EYS: variants seen among roughly 807,000 people sequenced by gnomAD.
EYS encodes the protein protein eyes shut homolog.
Under a neutral mutation model 282.1 loss-of-function variants are expected in EYS, and 250 were observed. The ratio of observed to expected loss-of-function variants is 0.89; its 90% CI spans 0.80 to 0.98. The LOEUF is 0.98. EYS is among the 50% of genes least tolerant of loss of function. The probability of loss-of-function intolerance (pLI) is 0.00; values close to 1 mark genes in which losing one functional copy is unlikely to be tolerated. For missense variants in EYS, 4,016 were observed against 3,709.0 expected (o/e 1.08, Z -2.15); for synonymous variants, 1,355 against 1,282.9 (o/e 1.06, Z -1.20).
chr6:64,896,130 A>T (rs1767455261), intron 18 of EYS, among the ~76,000 whole-genome samples: 1 of 152,200 alleles, frequency 6.6e-6, no homozygotes, highest in Non-Finnish European at 1.5e-5. Context: ...TAAAGAGCAG[A>T]TGCTGACTCA....
chr6:65,679,842 G>A lies in EYS; in HGVS notation c.-448+27293C>T, dbSNP rs180969429. On this transcript the variant is annotated intron_variant, in intron 1 of 42. Coordinates refer to ENST00000503581, the MANE Select transcript of EYS (RefSeq NM_001142800.2). ...TGTAATCTGTTATTAATCTCAAGTC[G>A]TACAATAGCAATTTGTTTCTTCTAC... Among the ~76,000 whole-genome samples, 94 of 151,888 alleles carry A rather than the reference G, an allele frequency of 6.2e-4. 1 individual carries two copies. The highest frequency in any genetic ancestry group is 2.0e-3 in the African/African-American group (83 of 41,468).
At chr6:64,293,139 G>A (rs559117475) in intron 30 of EYS, among the ~76,000 whole-genome samples, 1 of 152,058 alleles carries the variant, frequency 6.6e-6, no homozygotes, top group South Asian at 2.1e-4. Context: ...ATTTGCACAT[G>A]GAATAAAGGC....
chr6:65,076,216 T>C (rs1221476576), intron 12 of EYS, among the ~76,000 whole-genome samples: 2 of 152,054 alleles, frequency 1.3e-5, no homozygotes, highest in Admixed American at 6.6e-5. Flanking sequence ...ATCACTCTTT[T>C]ATTGTGGCAT....
At chr6:64,605,335 A>G (rs1388712051) in intron 24 of EYS, among the ~76,000 whole-genome samples, 1 of 151,990 alleles carries the variant, frequency 6.6e-6, no homozygotes, top group Non-Finnish European at 1.5e-5. Context: ...TGTTAAAGTT[A>G]TATGCCTGAC....
chr6:65,674,260 C>A (rs999857014), intron 1 of EYS, among the ~76,000 whole-genome samples: 1 of 151,184 alleles, frequency 6.6e-6, no homozygotes, highest in African/African-American at 2.4e-5. Flanking sequence ...CAAATTGGGG[C>A]AAGGAAATGA....
In EYS at chr6:63,806,127, G is replaced by A. The variant is rs150440937; in HGVS notation, c.7411+63C>T. 3.4e-3 allele frequency: 4,640 copies of A among 1,356,346 alleles called. 22 individuals carry two copies. Among genetic ancestry groups the A allele is most frequent in the Middle Eastern group, 0.019 (103 of 5,454 alleles). 84.0% of individuals were successfully genotyped at this position (1,356,346 alleles called of 1,614,324 possible). A position where few individuals can be genotyped will look rare whatever the true frequency, so the allele number is the denominator to read the frequency against. ...TACCACAGCCAATTAGAGTGTCCCT[G>A]AGGAATCTCTAAAGTATTCTTAAAG... On this transcript the variant is annotated intron_variant, in intron 37 of 42. Coordinates refer to ENST00000503581, the MANE Select transcript of EYS (RefSeq NM_001142800.2).
At chr6:63,877,385 C>A (rs1481900241) in intron 35 of EYS, among the ~76,000 whole-genome samples, 1 of 152,184 alleles carries the variant, frequency 6.6e-6, no homozygotes, top group African/African-American at 2.4e-5. Context: ...TGACCTTTCT[C>A]TCTGGCCGCC....
chr6:65,501,066 ACT>A (rs1228171206), intron 2 of EYS, among the ~76,000 whole-genome samples: 4 of 151,938 alleles, frequency 2.6e-5, no homozygotes, highest in Non-Finnish European at 5.9e-5. Context: ...TAATCCACAC[ACT>A]CTATGAGTAG....
chr6:63,963,219 T>C (rs1582040706), intron 35 of EYS, among the ~76,000 whole-genome samples: 2 of 151,770 alleles, frequency 1.3e-5, no homozygotes, highest in Non-Finnish European at 1.5e-5. Context: ...CATATGTATA[T>C]ATATGTAACT....
intron 26 of EYS, among the ~76,000 whole-genome samples, chr6:64,577,725 C>T (rs932752720): frequency 9.2e-5 from 14 of 152,174 alleles, no homozygotes; most frequent in African/African-American, 3.1e-4. Context: ...ATCAGAGGTT[C>T]TTTCTGTGCC....
intron 31 of EYS, among the ~76,000 whole-genome samples, chr6:64,228,336 T>C (rs1766311971): frequency 6.6e-6 from 1 of 152,214 alleles, no homozygotes; most frequent in Non-Finnish European, 1.5e-5. Context: ...CTCTATGTAC[T>C]ATACTGAAAC....
At chr6:63,958,419 G>A (rs1765912767) in intron 35 of EYS, among the ~76,000 whole-genome samples, 1 of 96,068 alleles carries the variant, frequency 1.0e-5, no homozygotes, top group Non-Finnish European at 2.8e-5. Context: ...GGTTTGCTAT[G>A]GTTTGAATGT....
intron 31 of EYS, among the ~76,000 whole-genome samples, chr6:64,120,016 A>G (rs1562210838): frequency 6.6e-6 from 1 of 151,960 alleles, no homozygotes; most frequent in East Asian, 1.9e-4. Context: ...AAACAAATTT[A>G]CCATATTATT....
intron 15 of EYS, among the ~76,000 whole-genome samples, chr6:64,922,415 A>C (rs1055706647): frequency 6.6e-6 from 1 of 152,246 alleles, no homozygotes; most frequent in Non-Finnish European, 1.5e-5. Context: ...ATGTAAATGT[A>C]AAAATAAATG....
intron 12 of EYS, among the ~76,000 whole-genome samples, chr6:65,122,086 T>A (rs1775570794): frequency 6.6e-6 from 1 of 152,162 alleles, no homozygotes; most frequent in Non-Finnish European, 1.5e-5. Flanking sequence ...TAAACTTTCA[T>A]ATGAGGTGTA....
chr6:65,440,805 G>C (rs968100811), intron 5 of EYS, among the ~76,000 whole-genome samples: 1 of 147,778 alleles, frequency 6.8e-6, no homozygotes, highest in South Asian at 2.1e-4. Context: ...TACAGTTTTA[G>C]TAACCTGACT....
At chr6:64,451,580 C>T (rs1432252784) in intron 26 of EYS, among the ~76,000 whole-genome samples, 1 of 152,146 alleles carries the variant, frequency 6.6e-6, no homozygotes, top group Non-Finnish European at 1.5e-5. Flanking sequence ...AGACCAATAT[C>T]CTTGACGAAC....
chr6:65,257,483 A>C (rs1248745637), intron 12 of EYS, among the ~76,000 whole-genome samples: 36 of 142,224 alleles, frequency 2.5e-4, no homozygotes, highest in African/African-American at 8.1e-4. Context: ...TCAGCTTTCT[A>C]CATATGGCTA....
chr6:64,452,033 A>G, intron 26 of EYS, among the ~76,000 whole-genome samples: 1 of 152,216 alleles, frequency 6.6e-6, no homozygotes, highest in East Asian at 1.9e-4. Flanking sequence ...AGAAGGAAAT[A>G]AAGGGCATTC....
Sources: allele counts gnomAD v4.1 joint callset (sites outside exome capture counted in the v4.1 genomes callset), GRCh38; gene constraint gnomAD v4.1.1; transcripts MANE v1.5; gene names NCBI Gene and HGNC (gene_info 2026-07-23, HGNC 2026-07-21).